The following BAZ2B variants were observed in gnomAD, a reference collection of about 807,000 sequenced individuals.
The protein encoded by BAZ2B is bromodomain adjacent to zinc finger domain protein 2B.
BAZ2B carries 91 observed loss-of-function variants against 246.0 expected under a neutral mutation model. The observed-to-expected ratio is 0.37, with a 90% CI of 0.31 to 0.44. The LOEUF (loss-of-function observed/expected upper bound fraction) is 0.44. Ranked by LOEUF, BAZ2B falls within the 20% of genes least tolerant of loss-of-function variation. The pLI is 1.00. For synonymous variants in BAZ2B, 855 were observed against 860.0 expected, an observed-to-expected ratio of 0.99 and a Z score of 0.10; for missense variants, 2,332 against 2,533.7, an observed-to-expected ratio of 0.92 and a Z score of 1.71.
At chr2:159,432,148 A>ATT (rs1399675664) in intron 9 of BAZ2B, among the ~76,000 whole-genome samples, 2 of 152,140 alleles carry the variant, frequency 1.3e-5, no homozygotes, top group Non-Finnish European at 2.9e-5. Flanking sequence ...TATAATATGT[A>ATT]TTTCATTTTT....
At position 159,349,965 on chromosome 2, in the gene BAZ2B, G is replaced by T. The variant is rs2058379681; in HGVS notation, c.4606C>A (p.Pro1536Thr). Residue 1536 changes from proline to threonine, a missense_variant, in exon 28 of 37, where the codon CCA becomes ACA. Physicochemically the swap from Pro to Thr is conservative, Grantham distance 38 (BLOSUM62 -1). Coordinates refer to ENST00000392783, the MANE Select transcript of BAZ2B (RefSeq NM_013450.4). The part of the protein sequence containing the change: ...NNLFNTGSSG[P>T]GKFYSPLPND... ...GGGAGAGGACTGTAGAACTTCCCTG[G>T]ACCACTTGAACCAGTATTAAACAGA... The T allele has an allele frequency of 1.2e-6, 2 of 1,614,124 alleles. No individual in the cohort carries two copies.
chr2:159,403,209 G>A (rs1352510803), intron 16 of BAZ2B, among the ~76,000 whole-genome samples: 1 of 152,136 alleles, frequency 6.6e-6, no homozygotes, highest in African/African-American at 2.4e-5. Context: ...ATAACAGAGA[G>A]TATGAGTAGA....
intron 2 of BAZ2B, among the ~76,000 whole-genome samples, chr2:159,554,770 T>C (rs1227198220): frequency 1.3e-5 from 2 of 152,250 alleles, no homozygotes; most frequent in Admixed American, 6.5e-5. Context: ...AGAGAATTTT[T>C]CAAAAATGAT....
intron 9 of BAZ2B, 60 bp from the exon 10 acceptor site, chr2:159,431,216 T>C (rs2071047512): frequency 2.0e-6 from 3 of 1,527,006 alleles, no homozygotes; most frequent in Middle Eastern, 2.2e-4. Context: ...AATTTGCAGT[T>C]TGTATCTAAA....
At chr2:159,428,145 G>C in intron 12 of BAZ2B, 103 bp from the exon 13 acceptor site, 1 of 1,192,124 alleles carries the variant, frequency 8.4e-7, no homozygotes, top group Non-Finnish European at 1.2e-6. Context: ...ATTCTATCAA[G>C]GGGCTCTAAA....
At chr2:159,324,172 A>AT (rs59054858) in intron 36 of BAZ2B, among the ~76,000 whole-genome samples, 41,815 of 151,940 alleles carry the variant, frequency 0.28, 6,525 homozygotes, top group East Asian at 0.61. Flanking sequence ...ATGTAATTAA[A>AT]ATATATATTG....
the BAZ2B span, among the ~76,000 whole-genome samples, chr2:159,708,736 G>A: frequency 6.6e-6 from 1 of 151,924 alleles, no homozygotes; most frequent in Non-Finnish European, 1.5e-5. Flanking sequence ...CAATGCACAG[G>A]GCTAATTTTT....
chr2:159,695,111 T>C, the BAZ2B span: 2 of 152,236 alleles, frequency 1.3e-5, no homozygotes, highest in African/African-American at 4.8e-5. Flanking sequence ...TTTTATGCAT[T>C]TATTGACTAT....
chr2:159,436,071 T>C (rs934653448), intron 8 of BAZ2B, among the ~76,000 whole-genome samples: 1 of 152,228 alleles, frequency 6.6e-6, no homozygotes, highest in South Asian at 2.1e-4. Flanking sequence ...TACTTTAATA[T>C]ACAAGATTCA....
chr2:159,378,426 C>G (rs1477191304), intron 25 of BAZ2B, among the ~76,000 whole-genome samples: 1 of 152,020 alleles, frequency 6.6e-6, no homozygotes, highest in South Asian at 2.1e-4. Flanking sequence ...ACATGAAAAA[C>G]ACAGGGAATA....
chr2:159,523,844 A>G (rs2084419617), intron 2 of BAZ2B, among the ~76,000 whole-genome samples: 1 of 152,052 alleles, frequency 6.6e-6, no homozygotes, highest in Admixed American at 6.6e-5. Context: ...TATAATAACA[A>G]CCCCTCAAAA....
chr2:159,590,457 AG>A (rs1689130433), intron 1 of BAZ2B, among the ~76,000 whole-genome samples: 1 of 151,318 alleles, frequency 6.6e-6, no homozygotes, highest in Non-Finnish European at 1.5e-5. Flanking sequence ...CAGGCGTGAT[AG>A]TGGGCGCCTA....
chr2:159,610,115 T>A (rs1290920244), intron 1 of BAZ2B, among the ~76,000 whole-genome samples: 1 of 152,124 alleles, frequency 6.6e-6, no homozygotes, highest in African/African-American at 2.4e-5. Flanking sequence ...TACATTCCTA[T>A]AACAGCTCAG....
At chr2:159,555,517 A>G (rs2088992716) in intron 2 of BAZ2B, 1 of 152,166 alleles carries the variant, frequency 6.6e-6, no homozygotes. Flanking sequence ...AAAAATAAAA[A>G]CTCAAAAAAG....
chr2:159,648,034 G>A, the BAZ2B span, among the ~76,000 whole-genome samples: 8 of 152,194 alleles, frequency 5.3e-5, no homozygotes, highest in East Asian at 9.7e-4. Flanking sequence ...TTTGTCACAC[G>A]TATGTATATA....
chr2:159,702,604 A>G, the BAZ2B span, among the ~76,000 whole-genome samples: 16 of 152,232 alleles, frequency 1.1e-4, no homozygotes, highest in African/African-American at 3.9e-4. Flanking sequence ...TTAACACAAG[A>G]AAGTGAAGCC....
At chr2:159,315,735 G>A (rs1163449609), downstream of BAZ2B, among the ~76,000 whole-genome samples, 2 of 152,198 alleles carry the variant, frequency 1.3e-5, no homozygotes, top group African/African-American at 4.8e-5. Context: ...ACATGGGCAT[G>A]AATACTAGAA....
chr2:159,524,777 G>A (rs980415632), intron 2 of BAZ2B, among the ~76,000 whole-genome samples: 4 of 152,018 alleles, frequency 2.6e-5, no homozygotes, highest in Admixed American at 1.3e-4. Context: ...TCCAATCGGC[G>A]AAGTTAGAAG....
intron 33 of BAZ2B, among the ~76,000 whole-genome samples, chr2:159,336,667 T>A (rs4664281): frequency 0.91 from 138,159 of 152,204 alleles, 64,241 homozygotes; most frequent in East Asian, 1. Context: ...TTAATAACTA[T>A]TGTGCTGATG....
Sources: gnomAD v4.1 joint callset for allele counts (sites outside exome capture counted in the v4.1 genomes callset) on GRCh38, gnomAD v4.1.1 for gene constraint, MANE v1.5 for transcripts, NCBI Gene and HGNC (gene_info 2026-07-23, HGNC 2026-07-21) for gene names.